The following AMOTL1 variants were observed in gnomAD, a reference collection of about 807,000 sequenced individuals.
AMOTL1 encodes the protein angiomotin-like protein 1.
Under a neutral mutation model 102.9 loss-of-function variants are expected in AMOTL1, and 45 were observed. The ratio of observed to expected loss-of-function variants is 0.44; its 90% CI spans 0.34 to 0.56. The LOEUF (loss-of-function observed/expected upper bound fraction) is 0.56. Ranked by LOEUF, AMOTL1 falls within the 20% of genes least tolerant of loss-of-function variation. The pLI, the probability that AMOTL1 is intolerant of heterozygous loss-of-function variation, is 0.01. For missense variants in AMOTL1, 1,114 were observed against 1,225.6 expected, an observed-to-expected ratio of 0.91 and a Z score of 1.36; for synonymous variants, 481 against 484.7, an observed-to-expected ratio of 0.99 and a Z score of 0.10.
At chr11:94,816,029 T>TA (rs532491356) in intron 3 of AMOTL1, among the ~76,000 whole-genome samples, 1 of 152,216 alleles carries the variant, frequency 6.6e-6, no homozygotes, top group Admixed American at 6.5e-5. Flanking sequence ...TTTGATATTT[T>TA]AAAAAAACAC....
intron 3 of AMOTL1, among the ~76,000 whole-genome samples, chr11:94,805,940 AG>A (rs1951561200): frequency 6.6e-6 from 1 of 152,212 alleles, no homozygotes; most frequent in Non-Finnish European, 1.5e-5. Context: ...TCATCAGGGC[AG>A]GGGGCTTGCA....
chr11:94,813,719 G>A (rs150352159), intron 3 of AMOTL1, among the ~76,000 whole-genome samples: 2 of 152,316 alleles, frequency 1.3e-5, no homozygotes, highest in Admixed American at 6.5e-5. Flanking sequence ...CACCACAAGA[G>A]TGAAATTCAC....
intron 8 of AMOTL1, among the ~76,000 whole-genome samples, chr11:94,855,067 A>C (rs1242456841): frequency 6.6e-6 from 1 of 152,208 alleles, no homozygotes; most frequent in African/African-American, 2.4e-5. Flanking sequence ...TGATGAGCAG[A>C]GGCCTTTATG....
chr11:94,866,701 G>A (rs1952891336), intron 11 of AMOTL1: 1 of 165,128 alleles, frequency 6.1e-6, no homozygotes, highest in Admixed American at 5.6e-5. Context: ...TTACCCCATG[G>A]GGCGTGGGAG....
At chr11:94,789,265 TCTCCTGC>T (rs942057677) in intron 1 of AMOTL1, among the ~76,000 whole-genome samples, 1 of 152,072 alleles carries the variant, frequency 6.6e-6, no homozygotes, top group African/African-American at 2.4e-5. Flanking sequence ...TTCAAGTGAT[TCTCCTGC>T]CTCAGCCTCC....
chr11:94,866,351 A>G, intron 11 of AMOTL1, 183 bp downstream of exon 11: 1 of 630,722 alleles, frequency 1.6e-6, no homozygotes, highest in Non-Finnish European at 2.7e-6. Context: ...GTAAATTCTA[A>G]AGACTGCACC....
At chr11:94,734,245 G>A (rs1950402082) in intron 2 of AMOTL1, among the ~76,000 whole-genome samples, 1 of 152,090 alleles carries the variant, frequency 6.6e-6, no homozygotes, top group African/African-American at 2.4e-5. Context: ...TTTTTTAGGT[G>A]AGATATGGTT....
At chr11:94,801,118 G>A (rs1951470321) in intron 3 of AMOTL1, among the ~76,000 whole-genome samples, 1 of 152,190 alleles carries the variant, frequency 6.6e-6, no homozygotes, top group Non-Finnish European at 1.5e-5. Flanking sequence ...TAACAGGTAG[G>A]ATAGTATAAC....
At chr11:94,730,909 C>T (rs1950338637) in intron 2 of AMOTL1, among the ~76,000 whole-genome samples, 1 of 152,148 alleles carries the variant, frequency 6.6e-6, no homozygotes, top group Non-Finnish European at 1.5e-5. Flanking sequence ...CCCACTGATG[C>T]TTGGTGCTTT....
At chr11:94,710,258 G>T (rs1950002535) in intron 1 of AMOTL1, among the ~76,000 whole-genome samples, 1 of 152,210 alleles carries the variant, frequency 6.6e-6, no homozygotes, top group Non-Finnish European at 1.5e-5. Flanking sequence ...AGCACCTGAA[G>T]CCATGAGAAA....
chr11:94,712,581 A>G (rs1228219507), intron 1 of AMOTL1, among the ~76,000 whole-genome samples: 6 of 152,062 alleles, frequency 3.9e-5, no homozygotes, highest in African/African-American at 1.4e-4. Flanking sequence ...GTTTCAAATT[A>G]TGCATCTGAC....
intron 9 of AMOTL1, among the ~76,000 whole-genome samples, chr11:94,864,332 A>C (rs1260754869): frequency 6.6e-6 from 1 of 152,154 alleles, no homozygotes; most frequent in Non-Finnish European, 1.5e-5. Flanking sequence ...CATATTCATA[A>C]CATGCCATGT....
chr11:94,840,834 A>G (rs1349489110), intron 6 of AMOTL1, among the ~76,000 whole-genome samples: 1 of 151,670 alleles, frequency 6.6e-6, no homozygotes, highest in African/African-American at 2.4e-5. Flanking sequence ...ACCTATATTG[A>G]TTTCAATTAA....
intron 3 of AMOTL1, among the ~76,000 whole-genome samples, chr11:94,762,105 A>G (rs149475165): frequency 1.3e-5 from 2 of 152,334 alleles, no homozygotes; most frequent in Admixed American, 1.3e-4. Flanking sequence ...TGTCTATATC[A>G]TCACTGGAAA....
intron 1 of AMOTL1, among the ~76,000 whole-genome samples, chr11:94,784,747 G>T (rs1951158468): frequency 1.3e-5 from 2 of 152,092 alleles, no homozygotes; most frequent in African/African-American, 4.8e-5. Flanking sequence ...GCTTATATTG[G>T]CAGAGAAGTG....
At chr11:94,808,207 G>GA (rs1269569540) in intron 3 of AMOTL1, among the ~76,000 whole-genome samples, 1 of 149,640 alleles carries the variant, frequency 6.7e-6, no homozygotes, top group Non-Finnish European at 1.5e-5. Context: ...GCTTACCTGA[G>GA]AAATACATGT....
chr11:94,818,995 T>TTTGC (rs1951815418), intron 3 of AMOTL1, among the ~76,000 whole-genome samples: 1 of 87,002 alleles, frequency 1.1e-5, no homozygotes, highest in Non-Finnish European at 2.3e-5. Flanking sequence ...CTTCATCTTT[T>TTTGC]TTGTTTGTTT....
intron 1 of AMOTL1, among the ~76,000 whole-genome samples, chr11:94,769,745 C>T (rs967815511): frequency 6.6e-6 from 1 of 152,116 alleles, no homozygotes; most frequent in Non-Finnish European, 1.5e-5. Flanking sequence ...TTGGACCCAA[C>T]ATTTTGTCCC....
chr11:94,753,958 C>T (rs922734904), intron 3 of AMOTL1, among the ~76,000 whole-genome samples: 23 of 152,148 alleles, frequency 1.5e-4, no homozygotes, highest in Admixed American at 8.5e-4. Flanking sequence ...ACATTTACAA[C>T]GTGGAGTTCT....
Sources: allele counts gnomAD v4.1 joint callset (sites outside exome capture counted in the v4.1 genomes callset), GRCh38; gene constraint gnomAD v4.1.1; transcripts MANE v1.5; gene names NCBI Gene and HGNC (gene_info 2026-07-23, HGNC 2026-07-21).